PRH1: variants seen among roughly 807,000 people sequenced by gnomAD.
PRH1 encodes proline rich protein HaeIII subfamily 1, also known as salivary acidic proline-rich phosphoprotein 1/2.
PRH1 carries 7 observed loss-of-function variants against 7.9 expected under a neutral mutation model. The ratio of observed to expected loss-of-function variants is 0.89; its 90% CI spans 0.50 to 1.67. The LOEUF is 1.67. Among genes scored for constraint, PRH1 ranks in the 40% most tolerant of loss-of-function variants. The pLI, the probability that PRH1 is intolerant of heterozygous loss-of-function variation, is 0.00. For synonymous variants in PRH1, 45 were observed against 80.8 expected, an observed-to-expected ratio of 0.56 and a Z score of 2.38; for missense variants, 109 against 223.6, an observed-to-expected ratio of 0.49 and a Z score of 3.27.
chr12:11,114,866 A>C (rs781651011), intron 1 of PRH1, among the ~76,000 whole-genome samples: 13 of 152,172 alleles, frequency 8.5e-5, no homozygotes, highest in Non-Finnish European at 1.5e-4. Flanking sequence ...TGCAAGCCTC[A>C]TGGTAATCTC....
intron 2 of PRH1, among the ~76,000 whole-genome samples, chr12:10,921,982 G>C (rs1163246040): frequency 2.0e-5 from 3 of 152,046 alleles, no homozygotes; most frequent in African/African-American, 7.2e-5. Flanking sequence ...TATTGCCCAG[G>C]CTTGTCTCGA....
chr12:11,088,186 C>G lies in PRH1; in HGVS notation n.124-40998G>C, dbSNP rs9803094. The stretch of plus-strand genomic sequence containing the variant: ...TGAAATCCTAGCCCTACAGAAAATA[C>G]AAAAATTAGCCAGGCGTGATGTTGT... On this transcript the variant is annotated intron_variant and non_coding_transcript_variant, in intron 1 of 4. Coordinates refer to the PRH1 transcript ENST00000541977. Among the ~76,000 whole-genome samples, 31 of 120,360 alleles carry G rather than the reference C, an allele frequency of 2.6e-4. No homozygotes were observed. The East Asian group carries it at 6.8e-3, about 26-fold the overall frequency. The allele number at this position is 120,360 out of a possible 152,430, so 79.0% of individuals were successfully genotyped here. A position where few individuals can be genotyped will look rare whatever the true frequency, so the allele number is the denominator to read the frequency against.
chr12:11,053,199 A>G lies in PRH1; in HGVS notation n.124-6011T>C, dbSNP rs2256739. On this transcript the variant is annotated intron_variant and non_coding_transcript_variant, in intron 1 of 4. Coordinates refer to the PRH1 transcript ENST00000541977. ...ATAGATAAAATATAGTTCATTAACC[A>G]CAGATACATCATTGTATTCCATGAC... 4.3e-3 allele frequency among the ~76,000 whole-genome samples: 655 copies of G among 152,376 alleles called. 2 individuals are homozygous for G. The highest frequency in any genetic ancestry group is 0.015 in the African/African-American group (632 of 41,586).
chr12:11,098,348 A>C (rs1945124193), intron 1 of PRH1, among the ~76,000 whole-genome samples: 1 of 151,922 alleles, frequency 6.6e-6, no homozygotes, highest in African/African-American at 2.4e-5. Context: ...TAATGAGTTC[A>C]ATGATCTCTT....
intron 1 of PRH1, chr12:11,091,236 A>G (rs1247835837): frequency 9.2e-7 from 1 of 1,086,874 alleles, no homozygotes. Context: ...TAAGAAATAT[A>G]AAATGTTTCA....
At chr12:10,907,569 T>C (rs945108061) in intron 2 of PRH1, among the ~76,000 whole-genome samples, 2 of 151,996 alleles carry the variant, frequency 1.3e-5, no homozygotes, top group South Asian at 2.1e-4. Flanking sequence ...TATAGATATA[T>C]AGATGCATAA....
At chr12:10,933,414 A>C (rs1180124736) in intron 2 of PRH1, among the ~76,000 whole-genome samples, 1 of 151,984 alleles carries the variant, frequency 6.6e-6, no homozygotes, top group Non-Finnish European at 1.5e-5. Flanking sequence ...AAAAGAAGAG[A>C]AATACCCCAA....
intron 1 of PRH1, chr12:11,021,746 A>G: frequency 6.2e-7 from 1 of 1,614,126 alleles, no homozygotes; most frequent in African/African-American, 1.3e-5. Context: ...AGGATGAATG[A>G]GTGGAATGAA....
intron 1 of PRH1, among the ~76,000 whole-genome samples, chr12:11,090,288 T>A (rs1944836041): frequency 8.6e-6 from 1 of 116,274 alleles, no homozygotes; most frequent in African/African-American, 2.9e-5. Flanking sequence ...TTCCACAATT[T>A]CTATACTATA....
Position 11,089,469 on chromosome 12 carries a change from T to C in PRH1, n.124-42281A>G, listed in dbSNP as rs1172092601. On this transcript the variant is annotated intron_variant and non_coding_transcript_variant, in intron 1 of 4. Coordinates refer to the PRH1 transcript ENST00000541977. Reference sequence around the variant, plus strand: ...CACGCATCTGATGACCGTCATGCTGTCTCTCTCACCTCACTGTGAAGTGGC... The same window carrying C: ...CACGCATCTGATGACCGTCATGCTGCCTCTCTCACCTCACTGTGAAGTGGC... Among the ~76,000 whole-genome samples the C allele has an allele frequency of 1.6e-4, 21 of 128,818 alleles. 7 individuals carry two copies. Among genetic ancestry groups the C allele is most frequent in the African/African-American group, 5.7e-4 (21 of 37,064 alleles). 84.5% of individuals were successfully genotyped at this position (128,818 alleles called of 152,430 possible).
At position 11,096,860 on chromosome 12, in the gene PRH1, C is replaced by A. The variant is rs143095582; in HGVS notation, n.124-49672G>T. Among the ~76,000 whole-genome samples, 5 of 114,740 alleles carry A rather than the reference C, an allele frequency of 4.4e-5. 1 individual carries two copies. Among genetic ancestry groups the A allele is most frequent in the Admixed American group, 8.7e-5 (1 of 11,446 alleles). 75.3% of individuals were successfully genotyped at this position (114,740 alleles called of 152,430 possible). The stretch of plus-strand genomic sequence containing the variant: ...TCTCCCAGGCTGGAGTGCAGCGGCG[C>A]GATCTCGGCTCACTGCAAGCTCTGT... On this transcript the variant is annotated intron_variant and non_coding_transcript_variant, in intron 1 of 4. Transcript: ENST00000541977.
intron 1 of PRH1, among the ~76,000 whole-genome samples, chr12:11,035,679 C>G (rs150688925): frequency 7.2e-5 from 11 of 152,288 alleles, no homozygotes; most frequent in Admixed American, 6.5e-4. Flanking sequence ...AGGCATTCTC[C>G]TGCAACTTAG....
At chr12:11,127,311 T>C (rs1398320026) in intron 1 of PRH1, among the ~76,000 whole-genome samples, 3 of 152,282 alleles carry the variant, frequency 2.0e-5, no homozygotes, top group Admixed American at 1.3e-4. Context: ...ATTTTTTCCT[T>C]GTTTAATGTC....
rs1363944907 is a variant in PRH1 at position 11,096,260 on chromosome 12, T to C, written n.124-49072A>G. On this transcript the variant is annotated intron_variant and non_coding_transcript_variant, in intron 1 of 4. Transcript: ENST00000541977. ...TAGCCTTATATTTTCTACCTCTTGA[T>C]CTCTTTATGCTTCATTCTGGGTAGT... is the stretch of plus-strand genomic sequence containing the variant. Among the ~76,000 whole-genome samples, 2 of 115,384 alleles carry C rather than the reference T, an allele frequency of 1.7e-5. 1 individual carries two copies. The allele number at this position is 115,384 out of a possible 152,430, so 75.7% of individuals were successfully genotyped here.
chr12:10,918,374 T>C (rs954165672), intron 2 of PRH1, among the ~76,000 whole-genome samples: 1 of 151,806 alleles, frequency 6.6e-6, no homozygotes, highest in African/African-American at 2.4e-5. Context: ...CAGAACTTAA[T>C]AAATAAATAA....
At chr12:10,986,558 G>C in intron 1 of PRH1, 1 of 1,614,066 alleles carries the variant, frequency 6.2e-7, no homozygotes, top group Non-Finnish European at 8.5e-7. Context: ...ATATGCTGAG[G>C]TTAGCAGCAA....
intron 2 of PRH1, among the ~76,000 whole-genome samples, chr12:10,893,472 T>A (rs574036892): frequency 6.6e-6 from 1 of 152,226 alleles, no homozygotes; most frequent in Non-Finnish European, 1.5e-5. Flanking sequence ...AACATTACAA[T>A]AGATGCCAGC....
At chr12:11,051,216 G>T (rs1003015584), upstream of PRH1, among the ~76,000 whole-genome samples, 9 of 152,302 alleles carry the variant, frequency 5.9e-5, no homozygotes, top group East Asian at 3.9e-4. Flanking sequence ...TTTGTCACAT[G>T]AAGTAGATAA....
intron 1 of PRH1, among the ~76,000 whole-genome samples, chr12:11,087,614 G>A (rs1161708150): frequency 8.6e-6 from 1 of 116,700 alleles, no homozygotes; most frequent in Non-Finnish European, 2.0e-5. Flanking sequence ...CTCCTCTACT[G>A]GCAACACAAT....
Sources: gnomAD v4.1 joint callset for allele counts (sites outside exome capture counted in the v4.1 genomes callset) on GRCh38, gnomAD v4.1.1 for gene constraint, MANE v1.5 for transcripts, NCBI Gene and HGNC (gene_info 2026-07-23, HGNC 2026-07-21) for gene names.